SCHIP1: variants seen among roughly 807,000 people sequenced by gnomAD.
SCHIP1 encodes schwannomin interacting protein 1.
In SCHIP1, 8 loss-of-function variants were observed where a neutral mutation model predicts 29.7. The observed-to-expected ratio is 0.27, with a 90% CI of 0.16 to 0.49. SCHIP1 has a LOEUF of 0.49. SCHIP1 is among the 20% of genes least tolerant of loss of function. The probability of loss-of-function intolerance (pLI) is 0.99; values close to 1 mark genes in which losing one functional copy is unlikely to be tolerated. For synonymous variants in SCHIP1, 76 were observed against 94.9 expected (o/e 0.80, Z 1.16); for missense variants, 193 against 294.6 (o/e 0.66, Z 2.52).
chr3:159,601,915 G>A, the SCHIP1 span, among the ~76,000 whole-genome samples: 54 of 152,178 alleles, frequency 3.5e-4, no homozygotes, highest in African/African-American at 9.7e-4. Flanking sequence ...CTATTGTTCC[G>A]AGAGCAGAAT....
chr3:159,613,249 T>A, the SCHIP1 span, among the ~76,000 whole-genome samples: 1 of 152,228 alleles, frequency 6.6e-6, no homozygotes, highest in Non-Finnish European at 1.5e-5. Flanking sequence ...ATATGAATAA[T>A]TGAGTCTGAG....
At chr3:159,766,877 C>T in the SCHIP1 span, among the ~76,000 whole-genome samples, 4 of 152,300 alleles carry the variant, frequency 2.6e-5, no homozygotes, top group South Asian at 4.1e-4. Context: ...CCACCCCCAA[C>T]GCATCTTCTG....
chr3:159,322,251 A>G, the SCHIP1 span, among the ~76,000 whole-genome samples: 1 of 152,210 alleles, frequency 6.6e-6, no homozygotes, highest in Non-Finnish European at 1.5e-5. Context: ...CAACAATGTC[A>G]GTCAACAAAA....
At chr3:159,527,954 T>A in the SCHIP1 span, among the ~76,000 whole-genome samples, 2 of 152,208 alleles carry the variant, frequency 1.3e-5, no homozygotes, top group Admixed American at 1.3e-4. Flanking sequence ...CAAAAAGTGA[T>A]GACAGATAAC....
the SCHIP1 span, among the ~76,000 whole-genome samples, chr3:159,531,308 G>A: frequency 6.6e-6 from 1 of 152,118 alleles, no homozygotes; most frequent in Non-Finnish European, 1.5e-5. Context: ...TCCAACACCT[G>A]GGATGCCTGT....
At chr3:159,769,587 T>G in the SCHIP1 span, among the ~76,000 whole-genome samples, 2 of 151,884 alleles carry the variant, frequency 1.3e-5, no homozygotes, top group African/African-American at 4.8e-5. Flanking sequence ...CCATCTCTAC[T>G]AAAAATACAA....
At chr3:159,885,898 T>C (rs185970417) in intron 2 of SCHIP1, among the ~76,000 whole-genome samples, 27 of 152,372 alleles carry the variant, frequency 1.8e-4, no homozygotes, top group African/African-American at 6.3e-4. Flanking sequence ...TTGACAGGAC[T>C]GTAAACTCAA....
the SCHIP1 span, among the ~76,000 whole-genome samples, chr3:159,481,986 A>C: frequency 6.6e-6 from 1 of 152,062 alleles, no homozygotes; most frequent in Non-Finnish European, 1.5e-5. Flanking sequence ...TTTTTGGTCA[A>C]TTTGTGTGTT....
At chr3:159,304,321 C>T in the SCHIP1 span, among the ~76,000 whole-genome samples, 6 of 152,190 alleles carry the variant, frequency 3.9e-5, no homozygotes, top group South Asian at 1.2e-3. Flanking sequence ...AGAATTTGGA[C>T]AAGAGTTTTA....
chr3:159,507,449 G>A, the SCHIP1 span, among the ~76,000 whole-genome samples: 4 of 152,038 alleles, frequency 2.6e-5, no homozygotes, highest in South Asian at 2.1e-4. Context: ...CTAATTGAAT[G>A]TCCTTTATTT....
At chr3:159,497,090 C>T in the SCHIP1 span, among the ~76,000 whole-genome samples, 1 of 152,056 alleles carries the variant, frequency 6.6e-6, no homozygotes, top group African/African-American at 2.4e-5. Context: ...GAACATCACA[C>T]ACTGGGGACT....
chr3:159,521,558 G>A, the SCHIP1 span, among the ~76,000 whole-genome samples: 1 of 152,204 alleles, frequency 6.6e-6, no homozygotes, highest in Admixed American at 6.5e-5. Context: ...GTTTCACCCA[G>A]GTGCCTTCAC....
chr3:159,711,948 C>T, the SCHIP1 span, among the ~76,000 whole-genome samples: 555 of 152,104 alleles, frequency 3.6e-3, 3 homozygotes, highest in African/African-American at 0.013. Flanking sequence ...GATATTGCTG[C>T]TGCTGCTGCT....
At chr3:159,456,066 A>G in the SCHIP1 span, among the ~76,000 whole-genome samples, 1 of 152,280 alleles carries the variant, frequency 6.6e-6, no homozygotes, top group South Asian at 2.1e-4. Flanking sequence ...ACCTAATAAA[A>G]TAACTTAATG....
chr3:159,593,440 T>C, the SCHIP1 span, among the ~76,000 whole-genome samples: 2 of 152,118 alleles, frequency 1.3e-5, no homozygotes, highest in Non-Finnish European at 2.9e-5. Flanking sequence ...TCACAGTCCC[T>C]GAGAGCAAGA....
chr3:159,369,901 A>G, the SCHIP1 span, among the ~76,000 whole-genome samples: 2 of 152,224 alleles, frequency 1.3e-5, no homozygotes, highest in Admixed American at 1.3e-4. Context: ...AAAGGAAACA[A>G]TCATTCTTTT....
chr3:159,476,189 T>C, the SCHIP1 span, among the ~76,000 whole-genome samples: 3 of 152,186 alleles, frequency 2.0e-5, no homozygotes, highest in African/African-American at 7.2e-5. Flanking sequence ...GGCATCTTAA[T>C]GAGGCTTCAA....
At chr3:159,764,571 G>A in the SCHIP1 span, 6 of 1,604,606 alleles carry the variant, frequency 3.7e-6, no homozygotes, top group Non-Finnish European at 5.1e-6. The surrounding 1 kb of genome is among the most constrained non-coding windows in gnomAD (Gnocchi z 6.1). Context: ...CATCGTCGCC[G>A]GGGGGCAGCC....
At chr3:159,835,059 A>G (rs1743540520), upstream of SCHIP1, among the ~76,000 whole-genome samples, 1 of 152,192 alleles carries the variant, frequency 6.6e-6, no homozygotes. Flanking sequence ...ATTGCCCAGT[A>G]AAGAAGTACA....
Sources: allele counts gnomAD v4.1 joint callset (sites outside exome capture counted in the v4.1 genomes callset), GRCh38; gene constraint gnomAD v4.1.1; non-coding constraint Gnocchi (gnomAD v3.1); transcripts MANE v1.5; gene names NCBI Gene and HGNC (gene_info 2026-07-23, HGNC 2026-07-21).